The following NFKB1 variants were observed in gnomAD, a reference collection of about 807,000 sequenced individuals.
The protein encoded by NFKB1 is nuclear factor kappa B subunit 1, also known as nuclear factor NF-kappa-B p105 subunit.
A neutral mutation model predicts 105.1 loss-of-function variants in NFKB1; 9 were observed. The ratio of observed to expected loss-of-function variants is 0.09; its 90% CI spans 0.05 to 0.15. The LOEUF (loss-of-function observed/expected upper bound fraction) is 0.15. Among genes scored for constraint, NFKB1 ranks in the 10% least tolerant of loss-of-function variants. NFKB1 has a pLI of 1.00. For missense variants in NFKB1, 830 were observed against 1,203.7 expected, an observed-to-expected ratio of 0.69 and a Z score of 4.59; for synonymous variants, 440 against 442.2, an observed-to-expected ratio of 1.00 and a Z score of 0.06.
chr4:102,613,323 G>A lies in NFKB1; in HGVS notation c.2593-102G>A. The stretch of plus-strand genomic sequence containing the variant: ...TCCATTTCCTCCTGGCTCCTGAGTG[G>A]AGGAGGCAGCATGGAAGAGGGAAGG... On this transcript the variant is annotated intron_variant, in intron 22 of 23. Transcript: ENST00000226574. The A allele has an allele frequency of 4.1e-6, 5 of 1,213,132 alleles. No homozygotes were observed. The South Asian group carries it at 7.1e-5, about 17-fold the overall frequency. The allele number at this position is 1,213,132 out of a possible 1,614,324, so 75.1% of individuals were successfully genotyped here. A position where few individuals can be genotyped will look rare whatever the true frequency, so the allele number is the denominator to read the frequency against.
chr4:102,548,424 A>G (rs750329178), intron 5 of NFKB1, among the ~76,000 whole-genome samples: 8 of 152,148 alleles, frequency 5.3e-5, no homozygotes, highest in Non-Finnish European at 7.4e-5. Flanking sequence ...TTGGCCACAT[A>G]GAGGAACCGG....
intron 14 of NFKB1, 144 bp from the exon 15 acceptor site, chr4:102,597,376 C>G (rs1726708885): frequency 1.2e-6 from 1 of 827,116 alleles, no homozygotes. Flanking sequence ...CCACACAATC[C>G]AAAAGCATTG....
chr4:102,520,206 C>A (rs1740474233), intron 1 of NFKB1, among the ~76,000 whole-genome samples: 1 of 152,158 alleles, frequency 6.6e-6, no homozygotes, highest in Admixed American at 6.5e-5. Flanking sequence ...TAGCCAGCCA[C>A]CTTAGAAAGG....
At chr4:102,584,101 T>C (rs2149191761) in intron 10 of NFKB1, among the ~76,000 whole-genome samples, 1 of 152,326 alleles carries the variant, frequency 6.6e-6, no homozygotes, top group East Asian at 1.9e-4. Flanking sequence ...AACAAGAATG[T>C]CAAAGAGAAT....
chr4:102,552,063 C>T (rs896500083), intron 5 of NFKB1, among the ~76,000 whole-genome samples: 3 of 152,044 alleles, frequency 2.0e-5, no homozygotes, highest in African/African-American at 4.8e-5. Context: ...AATGGAAACA[C>T]GATACATAAG....
intron 1 of NFKB1, among the ~76,000 whole-genome samples, chr4:102,519,778 C>G (rs1740445695): frequency 6.6e-6 from 1 of 152,204 alleles, no homozygotes; most frequent in Non-Finnish European, 1.5e-5. Flanking sequence ...GCTAGCATTA[C>G]TATATGAACC....
intron 11 of NFKB1, among the ~76,000 whole-genome samples, chr4:102,585,118 G>A (rs1292485331): frequency 6.6e-6 from 1 of 151,852 alleles, no homozygotes. Flanking sequence ...TTAAACTCCT[G>A]GCCTTAAGCA....
chr4:102,608,658 C>CTT lies in NFKB1; in HGVS notation c.2227+919_2227+920dup, dbSNP rs11336046. On this transcript the variant is annotated intron_variant, in intron 19 of 23. Coordinates refer to ENST00000226574, the MANE Select transcript of NFKB1 (RefSeq NM_003998.4). Reference sequence around the variant, plus strand: ...TGACATATCTGATATACTTTAGAGGCTTTTTTTTTTTTTAACTTAAAAGGT... The same window carrying CTT: ...TGACATATCTGATATACTTTAGAGGCTTTTTTTTTTTTTTTAACTTAAAAGGT... 2.7e-5 allele frequency among the ~76,000 whole-genome samples: 4 copies of CTT among 147,208 alleles called. No homozygotes were observed. The East Asian group carries it at 7.9e-4, about 29-fold the overall frequency.
At chr4:102,560,992 G>C (rs770289540) in intron 5 of NFKB1, among the ~76,000 whole-genome samples, 1 of 152,184 alleles carries the variant, frequency 6.6e-6, no homozygotes, top group Non-Finnish European at 1.5e-5. Flanking sequence ...AGGCCACAGA[G>C]CTAGGAGGGG....
intron 4 of NFKB1, among the ~76,000 whole-genome samples, chr4:102,534,267 C>T (rs897447189): frequency 6.6e-6 from 1 of 152,180 alleles, no homozygotes; most frequent in African/African-American, 2.4e-5. Context: ...CGATATCCAT[C>T]TATTATCCTT....
At chr4:102,552,894 A>G (rs565653526) in intron 5 of NFKB1, among the ~76,000 whole-genome samples, 7 of 152,228 alleles carry the variant, frequency 4.6e-5, no homozygotes, top group African/African-American at 1.7e-4. Flanking sequence ...CGTAGATGGT[A>G]CAATATTTTG....
chr4:102,610,342 A>G (rs978439060), intron 19 of NFKB1, among the ~76,000 whole-genome samples: 168 of 152,254 alleles, frequency 1.1e-3, no homozygotes, highest in Non-Finnish European at 1.4e-3. Context: ...TTTTTCTTCA[A>G]TAGTATCTTT....
intron 23 of NFKB1, among the ~76,000 whole-genome samples, chr4:102,614,714 C>T (rs952184359): frequency 2.0e-5 from 3 of 152,050 alleles, no homozygotes; most frequent in Non-Finnish European, 4.4e-5. Flanking sequence ...ATGGTTGACG[C>T]CTACCTTCAA....
chr4:102,594,770 G>T (rs113737880), intron 12 of NFKB1, 122 bp from the exon 13 acceptor site: 3 of 588,548 alleles, frequency 5.1e-6, no homozygotes. Context: ...AAAACCATGT[G>T]TGGGCACAAT....
Position 102,567,073 on chromosome 4 carries a change from G to T in NFKB1, c.345G>T (p.Val115=). 4 of 1,613,994 alleles carry T rather than the reference G, an allele frequency of 2.5e-6. No homozygotes were observed. The highest frequency in any genetic ancestry group is 3.4e-6 in the Non-Finnish European group (4 of 1,179,908). ...TCCACCTGCATGCCCACAGCCTGGT[G>T]GGAAAACACTGTGAGGATGGGATCT... is the stretch of plus-strand genomic sequence containing the variant. ...KNIHLHAHSL[V]GKHCEDGICT... The change falls in exon 6 of 24, where the codon GTG becomes GTT. Residue 115 remains valine, a synonymous_variant. Transcript: ENST00000226574.
intron 6 of NFKB1, among the ~76,000 whole-genome samples, chr4:102,576,573 C>A (rs1472373032): frequency 6.6e-6 from 1 of 152,076 alleles, no homozygotes; most frequent in Non-Finnish European, 1.5e-5. Context: ...TGTTTATAGT[C>A]TTTATTTTTC....
chr4:102,503,643 C>T (rs937745671), intron 1 of NFKB1, among the ~76,000 whole-genome samples: 2 of 152,094 alleles, frequency 1.3e-5, no homozygotes, highest in African/African-American at 4.8e-5. Flanking sequence ...GGTATACATA[C>T]AAAAATAGTC....
rs1272578619 is a variant in NFKB1, at chr4:102,597,720, A to G, written c.1637+59A>G. On this transcript the variant is annotated intron_variant, in intron 15 of 23. Coordinates refer to ENST00000226574, the MANE Select transcript of NFKB1 (RefSeq NM_003998.4). ...GGGTGGGGAAGAAGAAGAGCATCGT[A>G]TAATGCATACTGACTAGAGATAAAA... is the stretch of plus-strand genomic sequence containing the variant. The G allele has an allele frequency of 1.7e-5, 26 of 1,548,882 alleles. No individual in the cohort carries two copies. In the East Asian group the frequency reaches 5.7e-4, roughly 34 times the overall value.
intron 1 of NFKB1, among the ~76,000 whole-genome samples, chr4:102,520,366 A>G (rs1740485140): frequency 1.3e-5 from 2 of 152,174 alleles, no homozygotes. Context: ...AATGGCTAAC[A>G]TTTGCTGTGT....
Sources: gnomAD v4.1 joint callset for allele counts (sites outside exome capture counted in the v4.1 genomes callset) on GRCh38, gnomAD v4.1.1 for gene constraint, MANE v1.5 for transcripts, NCBI Gene and HGNC (gene_info 2026-07-23, HGNC 2026-07-21) for gene names.